NREP: variants seen among roughly 807,000 people sequenced by gnomAD.
NREP encodes the protein neuronal regeneration-related protein.
NREP carries 5 observed loss-of-function variants against 8.6 expected under a neutral mutation model. The observed-to-expected ratio is 0.58, with a 90% CI of 0.30 to 1.22. The LOEUF is 1.22. Among genes scored for constraint, NREP ranks in the 50% most tolerant of loss-of-function variants. The pLI, the probability that NREP is intolerant of heterozygous loss-of-function variation, is 0.07. For synonymous variants in NREP, 27 were observed against 28.0 expected, an observed-to-expected ratio of 0.96 and a Z score of 0.11; for missense variants, 86 against 82.5, an observed-to-expected ratio of 1.04 and a Z score of -0.17.
chr5:111,778,752 C>G (rs1183686209), intron 2 of NREP, among the ~76,000 whole-genome samples: 2 of 152,142 alleles, frequency 1.3e-5, no homozygotes, highest in African/African-American at 4.8e-5. Context: ...ACAGCATATT[C>G]TTTAACATCT....
At chr5:111,847,017 A>T (rs1201317052) in intron 2 of NREP, among the ~76,000 whole-genome samples, 6 of 152,188 alleles carry the variant, frequency 3.9e-5, no homozygotes, top group African/African-American at 1.4e-4. Context: ...AAAGGCGACG[A>T]CTGATGCCAG....
chr5:111,778,772 C>A (rs2112880773), intron 2 of NREP, among the ~76,000 whole-genome samples: 1 of 152,242 alleles, frequency 6.6e-6, no homozygotes, highest in South Asian at 2.1e-4. Flanking sequence ...TTGCAAAGCT[C>A]TCCTATGAAG....
chr5:111,816,438 C>T (rs2112919589), intron 2 of NREP, among the ~76,000 whole-genome samples: 1 of 152,090 alleles, frequency 6.6e-6, no homozygotes, highest in African/African-American at 2.4e-5. Flanking sequence ...AAGTACATAG[C>T]AACAATTGTG....
chr5:111,870,241 C>G (rs866005631), intron 2 of NREP, among the ~76,000 whole-genome samples: 8 of 152,140 alleles, frequency 5.3e-5, no homozygotes, highest in African/African-American at 1.4e-4. Flanking sequence ...ACCAGCCTGG[C>G]CAACATGGCG....
chr5:111,885,121 G>A (rs1171845930), intron 2 of NREP, among the ~76,000 whole-genome samples: 3 of 152,008 alleles, frequency 2.0e-5, no homozygotes, highest in African/African-American at 7.3e-5. Flanking sequence ...AGCAACTTCA[G>A]CAAAGTCTCA....
intron 2 of NREP, among the ~76,000 whole-genome samples, chr5:111,771,022 G>A (rs996567446): frequency 1.3e-5 from 2 of 152,110 alleles, no homozygotes; most frequent in African/African-American, 2.4e-5. Flanking sequence ...GTTTTTCTCT[G>A]AAGAATAAAG....
chr5:111,864,358 T>C (rs1171700115), intron 2 of NREP, among the ~76,000 whole-genome samples: 1 of 152,126 alleles, frequency 6.6e-6, no homozygotes, highest in East Asian at 1.9e-4. Context: ...GTGCTCTCTT[T>C]TAGCTGAATA....
At chr5:111,843,556 T>A (rs1375515423) in intron 2 of NREP, among the ~76,000 whole-genome samples, 1 of 151,664 alleles carries the variant, frequency 6.6e-6, no homozygotes, top group South Asian at 2.1e-4. Flanking sequence ...TGTTTCTTTA[T>A]GGCCAGTTAC....
chr5:111,827,086 C>G (rs767245863), intron 2 of NREP, among the ~76,000 whole-genome samples: 2 of 152,150 alleles, frequency 1.3e-5, no homozygotes, highest in Non-Finnish European at 2.9e-5. Context: ...TAGATATTTT[C>G]TTAAACACTA....
chr5:111,825,999 G>A (rs894118764), intron 2 of NREP, among the ~76,000 whole-genome samples: 1 of 149,274 alleles, frequency 6.7e-6, no homozygotes, highest in Non-Finnish European at 1.5e-5. Context: ...TGTCACCCAA[G>A]CTGGAATGCA....
chr5:111,814,538 C>T (rs1048696429), intron 2 of NREP, among the ~76,000 whole-genome samples: 7 of 152,038 alleles, frequency 4.6e-5, no homozygotes, highest in African/African-American at 1.4e-4. Flanking sequence ...TTAAAGTACT[C>T]CCCAGGTCTA....
chr5:111,783,559 A>C (rs1751542992), intron 2 of NREP, among the ~76,000 whole-genome samples: 1 of 152,192 alleles, frequency 6.6e-6, no homozygotes, highest in African/African-American at 2.4e-5. Flanking sequence ...TAAGCATGAT[A>C]TCAACTGTAG....
intron 2 of NREP, among the ~76,000 whole-genome samples, chr5:111,867,438 C>T (rs1753693810): frequency 6.6e-6 from 1 of 152,128 alleles, no homozygotes; most frequent in African/African-American, 2.4e-5. Flanking sequence ...CTCCCCCTCC[C>T]TCCCTATAAG....
intron 2 of NREP, among the ~76,000 whole-genome samples, chr5:111,763,171 A>G (rs947460054): frequency 7.9e-5 from 12 of 152,232 alleles, no homozygotes; most frequent in African/African-American, 2.7e-4. Context: ...AACCCACACC[A>G]AGAGTATGCT....
At chr5:111,871,671 C>T (rs76385077) in intron 2 of NREP, among the ~76,000 whole-genome samples, 7,630 of 151,532 alleles carry the variant, frequency 0.05, 469 homozygotes, top group East Asian at 0.23. Context: ...TCTTTTAAAA[C>T]ATTTTTAAAC....
intron 2 of NREP, among the ~76,000 whole-genome samples, chr5:111,883,387 A>T (rs868755317): frequency 3.3e-5 from 5 of 151,752 alleles, no homozygotes; most frequent in African/African-American, 1.2e-4. Context: ...GACTTTAACA[A>T]CCCACTGTCA....
chr5:111,777,007 A>AGG (rs1554098512), intron 2 of NREP, among the ~76,000 whole-genome samples: 1 of 65,640 alleles, frequency 1.5e-5, no homozygotes, highest in Non-Finnish European at 3.2e-5. Context: ...GAGGAGGAGG[A>AGG]AGGAGGTGGA....
At chr5:111,757,757 C>T (rs950504045), upstream of NREP, 92 of 982,782 alleles carry the variant, frequency 9.4e-5, no homozygotes, top group African/African-American at 1.2e-4. Flanking sequence ...CGCGCAAATC[C>T]CCGGCCTTCC....
intron 2 of NREP, among the ~76,000 whole-genome samples, chr5:111,843,446 T>C (rs566302674): frequency 6.6e-6 from 1 of 152,036 alleles, no homozygotes; most frequent in Non-Finnish European, 1.5e-5. Flanking sequence ...TTATTTGTTT[T>C]CCTGATTTTG....
Sources: allele counts gnomAD v4.1 joint callset (sites outside exome capture counted in the v4.1 genomes callset), GRCh38; gene constraint gnomAD v4.1.1; transcripts MANE v1.5; gene names NCBI Gene and HGNC (gene_info 2026-07-23, HGNC 2026-07-21).